The following TCP11 variants were observed in gnomAD, a reference collection of about 807,000 sequenced individuals.
TCP11 encodes T-complex protein 11 homolog.
TCP11 carries 34 observed loss-of-function variants against 45.0 expected under a neutral mutation model. The ratio of observed to expected loss-of-function variants is 0.76; its 90% CI spans 0.57 to 1.01. The LOEUF (loss-of-function observed/expected upper bound fraction) is 1.01, where lower values mean the gene tolerates loss of function less well. TCP11 is among the 50% of genes least tolerant of loss of function. The pLI is 0.00. For missense variants in TCP11, 523 were observed against 598.1 expected (o/e 0.87, Z 1.31); for synonymous variants, 227 against 227.0 (o/e 1.00, Z 0.00).
At chr6:35,128,911 C>G in intron 4 of TCP11, 151 bp downstream of exon 4, 1 of 980,826 alleles carries the variant, frequency 1.0e-6, no homozygotes, top group South Asian at 1.9e-5. Flanking sequence ...ATATTAAACC[C>G]TCCCTGCTAA....
intron 9 of TCP11, 123 bp from the exon 10 acceptor site, chr6:35,118,624 TAG>T (rs1778894245): frequency 4.9e-6 from 4 of 813,606 alleles, no homozygotes; most frequent in Non-Finnish European, 7.6e-6. Context: ...CCCCCCTACC[TAG>T]AGATAATGAA....
chr6:35,131,451 C>T lies in TCP11; in HGVS notation c.237-2269G>A, dbSNP rs531499174. On this transcript the variant is annotated intron_variant, in intron 3 of 9. Coordinates refer to ENST00000311875, the MANE Select transcript of TCP11 (RefSeq NM_001370687.1). ...GGTGTGGTGGCACACACCTATAATC[C>T]CAGCTACTTGGGAGGCTGAGGCAGG... Among the ~76,000 whole-genome samples the T allele has an allele frequency of 5.2e-4, 79 of 151,550 alleles. 1 individual carries two copies. Among genetic ancestry groups the T allele is most frequent in the African/African-American group, 1.7e-3 (72 of 41,202 alleles).
intron 1 of TCP11, 68 bp downstream of exon 1, chr6:35,141,136 CT>C (rs1781726440): frequency 3.0e-6 from 4 of 1,317,694 alleles, no homozygotes; most frequent in Admixed American, 8.0e-5. Context: ...AGGCCCCTTC[CT>C]TCGCGGCGAG....
At position 35,118,214 on chromosome 6, in the gene TCP11, G is replaced by A; in HGVS notation, c.*55C>T. ...CTGGTCACTGGTGATGTTACTCCAGGAAGATGATGGGCCTCCTCTTGGGTC... is the reference window on the plus strand; with the variant it reads ...CTGGTCACTGGTGATGTTACTCCAGAAAGATGATGGGCCTCCTCTTGGGTC... On this transcript the variant is annotated 3_prime_UTR_variant, in exon 10 of 10. Coordinates refer to ENST00000311875, the MANE Select transcript of TCP11 (RefSeq NM_001370687.1). 1 of 1,439,406 alleles carries A rather than the reference G, an allele frequency of 6.9e-7. No individual in the cohort carries two copies. The highest frequency in any genetic ancestry group is 1.8e-4 in the Middle Eastern group (1 of 5,594). The allele number at this position is 1,439,406 out of a possible 1,614,324, so 89.2% of individuals were successfully genotyped here.
Position 35,120,169 on chromosome 6 carries a change from A to G in TCP11, c.1105T>C (p.Phe369Leu). 9.9e-6 allele frequency: 16 copies of G among 1,614,048 alleles called. No individual in the cohort carries two copies. Among genetic ancestry groups the G allele is most frequent in the Non-Finnish European group, 1.4e-5 (16 of 1,179,958 alleles). Reference protein sequence around the residue: ...KRITKSLLEDFHSRPEEAILT... With the variant: ...KRITKSLLEDLHSRPEEAILT... ...AACTATGCAGCTCACCTGGAGTGAA[A>G]GTCTTCCAACAAGGATTTGGTTATG... Residue 369 changes from phenylalanine (F) to leucine (L), a missense_variant, in exon 8 of 10, where the codon TTT (phenylalanine) becomes CTT (leucine). Physicochemically the swap from Phe to Leu is conservative, Grantham distance 22. Around this residue, in one of 2 missense-constraint regions of TCP11, gnomAD observed 298 missense variants for 387.9 expected, o/e 0.77. Coordinates refer to ENST00000311875, the MANE Select transcript of TCP11 (RefSeq NM_001370687.1). The surrounding 1 kb of genome is among the most constrained non-coding windows in gnomAD (Gnocchi z 4.9).
rs552806919 is a variant in TCP11, at chr6:35,119,230, A to G, written c.1277T>C (p.Ile426Thr). 4 of 1,614,060 alleles carry G rather than the reference A, an allele frequency of 2.5e-6. No individual in the cohort carries two copies. Among genetic ancestry groups the G allele is most frequent in the Admixed American group, 3.3e-5 (2 of 60,022 alleles). The change falls in exon 9 of 10, where the codon ATT becomes ACT. Residue 426 changes from isoleucine (I) to threonine (T), a missense_variant and splice_region_variant. This residue lies in a region of TCP11 where 298 missense variants were observed against 387.9 expected (regional missense o/e 0.77). Transcript: ENST00000311875. ...AKKENCVCSV[I>T]DQRIHLFLKC... is the part of the protein sequence containing the mutation. ...TACTACCCCACAAGCATACTCACCA[A>G]TAACACTGCAGACACAGTTCTCCTT...
chr6:35,140,939 G>A, intron 1 of TCP11, 55 bp from the exon 2 acceptor site: 1 of 1,453,138 alleles, frequency 6.9e-7, no homozygotes, highest in Non-Finnish European at 9.1e-7. Context: ...CTCCCCAATT[G>A]CCAAGGGGGT....
intron 3 of TCP11, among the ~76,000 whole-genome samples, chr6:35,132,251 C>G (rs547149026): frequency 6.6e-6 from 1 of 152,334 alleles, no homozygotes; most frequent in South Asian, 2.1e-4. Flanking sequence ...CTACCTGGTG[C>G]AACCTTTCAC....
At position 35,129,053 on chromosome 6, in the gene TCP11, G is replaced by A. The variant is rs756834594; in HGVS notation, c.357+9C>T. 2 of 1,613,004 alleles carry A rather than the reference G, an allele frequency of 1.2e-6. No homozygotes were observed. Among genetic ancestry groups the A allele is most frequent in the Non-Finnish European group, 1.7e-6 (2 of 1,179,650 alleles). Reference sequence around the variant, plus strand: ...GAAACTTTACATTTACAAATGGAAGGTCACTCACCTCTTTAATTTCTTTCA... The same window carrying A: ...GAAACTTTACATTTACAAATGGAAGATCACTCACCTCTTTAATTTCTTTCA... On this transcript the variant is annotated intron_variant, in intron 4 of 9. Transcript: ENST00000311875.
At chr6:35,128,238 A>G (rs1354614183) in intron 4 of TCP11, 2 of 152,194 alleles carry the variant, frequency 1.3e-5, no homozygotes, top group Admixed American at 6.5e-5. Flanking sequence ...TGTTGGCAGA[A>G]TTCATTTCCT....
chr6:35,120,507 G>A lies in TCP11; in HGVS notation c.855C>T (p.Pro285=). ...SPNEAANNPE[P]LSPTMVLCQG... ...GACACAGCACCATTGTGGGGCTGAG[G>A]GGCTCTGGGTTGTTGGCTGCCTCAT... is the stretch of plus-strand genomic sequence containing the variant. The change falls in exon 7 of 10, where the codon CCC becomes CCT. Residue 285 remains proline (P), a synonymous_variant. Transcript: ENST00000311875. The surrounding 1 kb of genome is among the most constrained non-coding windows in gnomAD (Gnocchi z 4.9). 6.2e-7 allele frequency: 1 copy of A among 1,613,964 alleles called. No homozygotes were observed. Among genetic ancestry groups the A allele is most frequent in the Non-Finnish European group, 8.5e-7 (1 of 1,179,958 alleles).
Position 35,140,167 on chromosome 6 carries a change from A to T in TCP11, c.124+580T>A, listed in dbSNP as rs1200827260. 6 of 1,595,242 alleles carry T rather than the reference A, an allele frequency of 3.8e-6. No homozygotes were observed. The Middle Eastern group carries it at 6.7e-4, about 177-fold the overall frequency. ...ATTTTTCGCATTTCAATAGTCAAGA[A>T]TTTTATCTTGAGTTGTTGCACACGG... is the stretch of plus-strand genomic sequence containing the variant. On this transcript the variant is annotated intron_variant, in intron 2 of 9. Transcript: ENST00000311875.
In TCP11 at chr6:35,133,354, A is replaced by AT. The variant is rs914947752; in HGVS notation, c.236+2752dup. Among the ~76,000 whole-genome samples, 6 of 151,462 alleles carry AT rather than the reference A, an allele frequency of 4.0e-5. No homozygotes were observed. The East Asian group carries it at 9.8e-4, about 25-fold the overall frequency. On this transcript the variant is annotated intron_variant, in intron 3 of 9. Coordinates refer to ENST00000311875, the MANE Select transcript of TCP11 (RefSeq NM_001370687.1). ...ACCACATTTTGCTAATTAAAAAAAA[A>AT]TTTTTTTTTGTAGAGACGAGGTCTC... is the stretch of plus-strand genomic sequence containing the variant.
In TCP11 at chr6:35,129,108, G is replaced by A; in HGVS notation, c.311C>T (p.Pro104Leu). 6.2e-7 allele frequency: 1 copy of A among 1,614,060 alleles called. No homozygotes were observed. Among genetic ancestry groups the A allele is most frequent in the Admixed American group, 1.7e-5 (1 of 60,012 alleles). Residue 104 changes from proline (P) to leucine (L), a missense_variant, in exon 4 of 10, where the codon CCC (proline) becomes CTC (leucine). Coordinates refer to ENST00000311875, the MANE Select transcript of TCP11 (RefSeq NM_001370687.1). ...DHLKEQLSAT[P>L]PDFSCALELL... is the part of the protein sequence containing the mutation. ...TTCAAGAGCACAGCTGAAGTCAGGG[G>A]GAGTTGCTGATAGTTGCTCTTTAAG...
At chr6:35,129,666 G>A (rs894233612) in intron 3 of TCP11, among the ~76,000 whole-genome samples, 3 of 152,068 alleles carry the variant, frequency 2.0e-5, no homozygotes, top group Non-Finnish European at 4.4e-5. Context: ...CTCCAAACCT[G>A]CTCCTCTTGT....
chr6:35,126,646 A>G (rs1779848399), intron 4 of TCP11, among the ~76,000 whole-genome samples: 1 of 145,362 alleles, frequency 6.9e-6, no homozygotes, highest in African/African-American at 2.5e-5. Flanking sequence ...CTTTGAATCA[A>G]AGACTTTTTT....
intron 4 of TCP11, among the ~76,000 whole-genome samples, chr6:35,123,489 A>T (rs965053360): frequency 1.3e-5 from 2 of 151,432 alleles, no homozygotes; most frequent in African/African-American, 4.9e-5. Flanking sequence ...CTTTTATAAT[A>T]TTTTTTTTCT....
chr6:35,141,310 G>T lies in TCP11; in HGVS notation c.-120C>A. On this transcript the variant is annotated 5_prime_UTR_variant, in exon 1 of 10. Coordinates refer to ENST00000311875, the MANE Select transcript of TCP11 (RefSeq NM_001370687.1). ...CGGCGGAGCGGCGGGTTGGGGCGTC[G>T]CACGGTGAGAAAGGCCGGGGCCTGA... 1 of 1,272,094 alleles carries T rather than the reference G, an allele frequency of 7.9e-7. No individual in the cohort carries two copies. Among genetic ancestry groups the T allele is most frequent in the Non-Finnish European group, 1.0e-6 (1 of 1,004,404 alleles). 78.8% of individuals were successfully genotyped at this position (1,272,094 alleles called of 1,614,324 possible).
chr6:35,133,692 A>C (rs1780716269), intron 3 of TCP11, among the ~76,000 whole-genome samples: 1 of 151,978 alleles, frequency 6.6e-6, no homozygotes, highest in African/African-American at 2.4e-5. Flanking sequence ...CAGGAGGCTG[A>C]GGCAAGAGAA....
Sources: allele counts gnomAD v4.1 joint callset (sites outside exome capture counted in the v4.1 genomes callset), GRCh38; gene constraint gnomAD v4.1.1; regional missense constraint gnomAD v4.1.1; non-coding constraint Gnocchi (gnomAD v3.1); transcripts MANE v1.5; gene names NCBI Gene and HGNC (gene_info 2026-07-23, HGNC 2026-07-21).